Variants in UGT1A7 observed in about 807,000 individuals in gnomAD.
The protein encoded by UGT1A7 is UDP-glucuronosyltransferase 1A7.
A neutral mutation model predicts 45.6 loss-of-function variants in UGT1A7; 33 were observed. The observed-to-expected ratio is 0.72, with a 90% confidence interval of 0.55 to 0.97. The LOEUF (loss-of-function observed/expected upper bound fraction) is 0.97. Among genes scored for constraint, UGT1A7 ranks in the 50% least tolerant of loss-of-function variants. The probability of loss-of-function intolerance (pLI) is 0.00; values close to 1 mark genes in which losing one functional copy is unlikely to be tolerated. For synonymous variants in UGT1A7, 274 were observed against 250.6 expected, an observed-to-expected ratio of 1.09 and a Z score of -0.88; for missense variants, 684 against 666.2, an observed-to-expected ratio of 1.03 and a Z score of -0.29.
chr2:233,757,071 A>G (rs1696390721), intron 1 of UGT1A7, among the ~76,000 whole-genome samples: 1 of 151,466 alleles, frequency 6.6e-6, no homozygotes. Context: ...GGGATCCAGA[A>G]TGGCTAGAGG....
chr2:233,732,054 CA>C (rs1380241108), intron 1 of UGT1A7, among the ~76,000 whole-genome samples: 13 of 152,278 alleles, frequency 8.5e-5, no homozygotes, highest in Non-Finnish European at 4.4e-5. Flanking sequence ...AGCATTTATT[CA>C]TGTGTCTGTT....
rs944391861 is a variant in UGT1A7, at chr2:233,772,995, T to C, written c.*436T>C. ...ACCAATAATGGTCAGTCCTCATCTC[T>C]GTCGTGCTTCATAGGTGCCACCTTG... On this transcript the variant is annotated 3_prime_UTR_variant, in exon 5 of 5. Transcript: ENST00000373426. The C allele has an allele frequency of 2.4e-5, 6 of 254,024 alleles. No individual in the cohort carries two copies. The highest frequency in any genetic ancestry group is 1.4e-4 in the African/African-American group (6 of 44,320). The allele number at this position is 254,024 out of a possible 1,614,324, so 15.7% of individuals were successfully genotyped here.
At chr2:233,758,397 C>T (rs1696863474) in intron 1 of UGT1A7, among the ~76,000 whole-genome samples, 1 of 152,138 alleles carries the variant, frequency 6.6e-6, no homozygotes, top group Admixed American at 6.5e-5. Flanking sequence ...TGTTTATAGC[C>T]CCTTTACTGT....
chr2:233,740,447 GAGA>G (rs1243845787), intron 1 of UGT1A7, among the ~76,000 whole-genome samples: 2 of 151,994 alleles, frequency 1.3e-5, no homozygotes, highest in African/African-American at 2.4e-5. Flanking sequence ...GGAATCAGAG[GAGA>G]AGAAGATGAT....
intron 1 of UGT1A7, among the ~76,000 whole-genome samples, chr2:233,704,599 G>A (rs557882301): frequency 2.0e-5 from 3 of 152,196 alleles, no homozygotes; most frequent in African/African-American, 7.2e-5. Flanking sequence ...AGAAAGAAGA[G>A]CAAGTATGTA....
chr2:233,693,146 GT>G, intron 1 of UGT1A7: 1 of 1,614,204 alleles, frequency 6.2e-7, no homozygotes, highest in Non-Finnish European at 8.5e-7. Context: ...TATAGTTGAG[GT>G]TCTCAGTGAC....
chr2:233,719,640 G>T lies in UGT1A7; in HGVS notation c.855+36848G>T, dbSNP rs560127147. ...CCCCAGGCCGATCATGCCCAACATG[G>T]TCTTCATTGGGGGCATCAACTGTGC... On this transcript the variant is annotated intron_variant, in intron 1 of 4. Transcript: ENST00000373426. 1.8e-5 allele frequency: 29 copies of T among 1,614,046 alleles called. 1 individual carries two copies. The East Asian group carries it at 2.0e-4, about 11-fold the overall frequency.
chr2:233,750,643 A>G (rs1694525645), intron 1 of UGT1A7: 1 of 149,168 alleles, frequency 6.7e-6, no homozygotes. Flanking sequence ...TGCTGTGTGC[A>G]GCCTCAGGAC....
Position 233,682,591 on chromosome 2 carries a change from A to C in UGT1A7, c.654A>C (p.Leu218Phe), listed in dbSNP as rs747574458. ...WNHIMHLEEH[L>F]FCPYFFKNVL... ...ACATCATGCACTTGGAGGAACATTT[A>C]TTTTGCCCCTATTTTTTCAAAAATG... Residue 218 changes from leucine (L) to phenylalanine (F), a missense_variant, in exon 1 of 5, where the codon TTA becomes TTC. Coordinates refer to ENST00000373426, the MANE Select transcript of UGT1A7 (RefSeq NM_019077.3). 11 of 1,613,826 alleles carry C rather than the reference A, an allele frequency of 6.8e-6. No individual in the cohort carries two copies. The South Asian group carries it at 1.2e-4, about 18-fold the overall frequency.
chr2:233,724,348 C>G, intron 1 of UGT1A7, among the ~76,000 whole-genome samples: 1 of 144,652 alleles, frequency 6.9e-6, no homozygotes, highest in East Asian at 2.1e-4. Context: ...TGACCCCCCC[C>G]ACCTCCCTCC....
chr2:233,711,824 G>A (rs1206489397), intron 1 of UGT1A7, among the ~76,000 whole-genome samples: 1 of 152,226 alleles, frequency 6.6e-6, no homozygotes, highest in African/African-American at 2.4e-5. Flanking sequence ...GGGCGACCAG[G>A]ACAAGGAGGC....
At chr2:233,695,130 C>CTTTTTT (rs71398796) in intron 1 of UGT1A7, among the ~76,000 whole-genome samples, 1 of 138,838 alleles carries the variant, frequency 7.2e-6, no homozygotes, top group Non-Finnish European at 1.5e-5. Flanking sequence ...CTTTTCTTTT[C>CTTTTTT]TTTTTTTTTT....
At chr2:233,718,427 T>C (rs551386260) in intron 1 of UGT1A7, among the ~76,000 whole-genome samples, 2 of 152,232 alleles carry the variant, frequency 1.3e-5, no homozygotes, top group East Asian at 3.9e-4. Context: ...GAACATGTGG[T>C]TGGGGACTAG....
Position 233,706,887 on chromosome 2 carries a change from T to C in UGT1A7, c.855+24095T>C, listed in dbSNP as rs191492474. ...TAGACCTGGCACTTCCCAGCTCTGGTTGGAGGCATTTTACAATCCTAGCTG... is the reference window on the plus strand; with the variant it reads ...TAGACCTGGCACTTCCCAGCTCTGGCTGGAGGCATTTTACAATCCTAGCTG... On this transcript the variant is annotated intron_variant, in intron 1 of 4. Coordinates refer to ENST00000373426, the MANE Select transcript of UGT1A7 (RefSeq NM_019077.3). Among the ~76,000 whole-genome samples the C allele has an allele frequency of 4.6e-5, 7 of 152,310 alleles. No individual in the cohort carries two copies. In the East Asian group the frequency reaches 1.3e-3, roughly 29 times the overall value.
chr2:233,767,212 G>A (rs377453564), intron 2 of UGT1A7, 47 bp downstream of exon 2: 197 of 1,612,180 alleles, frequency 1.2e-4, no homozygotes, highest in Admixed American at 3.0e-4. Context: ...TCACAGGAGC[G>A]CTAATCCCAG....
At chr2:233,699,122 C>T (rs2075486151) in intron 1 of UGT1A7, among the ~76,000 whole-genome samples, 2 of 152,198 alleles carry the variant, frequency 1.3e-5, no homozygotes, top group African/African-American at 4.8e-5. Flanking sequence ...AACAGTTCTA[C>T]TTATGTCAGA....
intron 4 of UGT1A7, chr2:233,771,400 G>A (rs1195716316): frequency 6.6e-6 from 1 of 152,152 alleles, no homozygotes; most frequent in Non-Finnish European, 1.5e-5. Flanking sequence ...ATTGGGCAAT[G>A]AACACTGTCC....
intron 1 of UGT1A7, among the ~76,000 whole-genome samples, chr2:233,698,921 G>A (rs959017341): frequency 2.6e-5 from 4 of 152,334 alleles, no homozygotes; most frequent in East Asian, 3.9e-4. Flanking sequence ...GGACGTGGCC[G>A]TCTCAGAGGG....
At chr2:233,750,844 C>G (rs903406800) in intron 1 of UGT1A7, 1 of 151,832 alleles carries the variant, frequency 6.6e-6, no homozygotes, top group African/African-American at 2.4e-5. Flanking sequence ...TAAGGAAATG[C>G]TTGGATGTCC....
Sources: allele counts gnomAD v4.1 joint callset (sites outside exome capture counted in the v4.1 genomes callset), GRCh38; gene constraint gnomAD v4.1.1; transcripts MANE v1.5; gene names NCBI Gene and HGNC (gene_info 2026-07-23, HGNC 2026-07-21).